Variants in KIF5C observed in about 807,000 individuals in gnomAD.
The protein encoded by KIF5C is kinesin family member 5C.
Under a neutral mutation model 125.2 loss-of-function variants are expected in KIF5C, and 18 were observed. The ratio of observed to expected loss-of-function variants is 0.14; its 90% CI spans 0.10 to 0.21. The LOEUF is 0.21. Among genes scored for constraint, KIF5C ranks in the 10% least tolerant of loss-of-function variants. KIF5C has a pLI of 1.00. For synonymous variants in KIF5C, 405 were observed against 434.0 expected, an observed-to-expected ratio of 0.93 and a Z score of 0.83; for missense variants, 780 against 1,183.8, an observed-to-expected ratio of 0.66 and a Z score of 5.01.
intron 25 of KIF5C, among the ~76,000 whole-genome samples, chr2:149,015,950 A>G (rs998274792): frequency 2.6e-5 from 4 of 152,254 alleles, no homozygotes; most frequent in African/African-American, 7.2e-5. Flanking sequence ...AGTGCTCAGA[A>G]GAAAACAAAA....
chr2:148,891,516 T>A (rs1388843264), intron 1 of KIF5C, among the ~76,000 whole-genome samples: 1 of 152,152 alleles, frequency 6.6e-6, no homozygotes, highest in Non-Finnish European at 1.5e-5. Context: ...AGACAATGTA[T>A]GTATTACTGC....
At chr2:149,003,301 G>A (rs1044381485) in intron 21 of KIF5C, among the ~76,000 whole-genome samples, 95 of 152,360 alleles carry the variant, frequency 6.2e-4, no homozygotes, top group Middle Eastern at 3.4e-3. Context: ...TGAGGTGGGC[G>A]GAGCATGGAG....
At chr2:148,984,452 T>C (rs550528747) in intron 15 of KIF5C, among the ~76,000 whole-genome samples, 1 of 152,326 alleles carries the variant, frequency 6.6e-6, no homozygotes, top group Admixed American at 6.5e-5. Context: ...TTTCTCTGTT[T>C]CCTTTCTCCT....
chr2:148,906,961 G>A (rs1486992815), intron 1 of KIF5C, among the ~76,000 whole-genome samples: 1 of 152,200 alleles, frequency 6.6e-6, no homozygotes, highest in African/African-American at 2.4e-5. Flanking sequence ...TCAGGATGCT[G>A]AGGTGGAAGG....
At chr2:148,875,984 A>C (rs561381137) in intron 1 of KIF5C, among the ~76,000 whole-genome samples, 116 of 151,052 alleles carry the variant, frequency 7.7e-4, no homozygotes, top group Admixed American at 1.4e-3. Flanking sequence ...TGGGGGGCGA[A>C]GACGGGCTCG....
intron 1 of KIF5C, among the ~76,000 whole-genome samples, chr2:148,893,510 C>T (rs1681761842): frequency 6.6e-6 from 1 of 152,206 alleles, no homozygotes; most frequent in Non-Finnish European, 1.5e-5. Context: ...TCGTCCAAGC[C>T]TTTATTGATG....
chr2:148,980,403 A>G (rs1388226037), intron 13 of KIF5C, among the ~76,000 whole-genome samples: 1 of 152,204 alleles, frequency 6.6e-6, no homozygotes, highest in African/African-American at 2.4e-5. Context: ...TCAAGGCAGT[A>G]TCTGTTCAAT....
chr2:148,891,644 C>T (rs558439574), intron 1 of KIF5C, among the ~76,000 whole-genome samples: 1 of 152,184 alleles, frequency 6.6e-6, no homozygotes, highest in African/African-American at 2.4e-5. Context: ...AGTGACAACA[C>T]TTAAATAAGT....
chr2:148,911,978 C>T (rs540901106), intron 1 of KIF5C, among the ~76,000 whole-genome samples: 39 of 152,290 alleles, frequency 2.6e-4, no homozygotes, highest in African/African-American at 9.1e-4. Context: ...CCTCCTGCCC[C>T]TCCCTCTTTC....
At chr2:149,015,578 G>T (rs915454250) in intron 25 of KIF5C, among the ~76,000 whole-genome samples, 31 of 152,254 alleles carry the variant, frequency 2.0e-4, no homozygotes, top group African/African-American at 6.7e-4. Flanking sequence ...GAGTATTTTG[G>T]TTTATTCTCA....
intron 3 of KIF5C, among the ~76,000 whole-genome samples, chr2:148,936,456 G>A (rs143567283): frequency 0.015 from 2,273 of 152,320 alleles, 33 homozygotes; most frequent in Non-Finnish European, 0.022. Context: ...TGGAGCTTGT[G>A]TGTTGCTTTC....
intron 1 of KIF5C, 94 bp downstream of exon 1, chr2:148,875,837 C>A (rs1162931920): frequency 3.4e-6 from 5 of 1,483,916 alleles, no homozygotes; most frequent in Non-Finnish European, 4.5e-6. Flanking sequence ...AGGCCGCCCC[C>A]TCGGACATTC....
chr2:148,923,942 G>A (rs1394324538), intron 2 of KIF5C, among the ~76,000 whole-genome samples: 1 of 152,200 alleles, frequency 6.6e-6, no homozygotes, highest in Non-Finnish European at 1.5e-5. Flanking sequence ...TGGATAACTT[G>A]AGACCCAATA....
intron 12 of KIF5C, among the ~76,000 whole-genome samples, chr2:148,973,968 C>T (rs555397993): frequency 5.1e-4 from 78 of 152,264 alleles, no homozygotes; most frequent in African/African-American, 1.7e-3. Context: ...GATGAGAAAT[C>T]GATAGCAGTG....
chr2:149,005,969 G>T lies in KIF5C; in HGVS notation c.2445+505G>T, dbSNP rs13418522. 9.5e-3 allele frequency among the ~76,000 whole-genome samples: 1,452 copies of T among 152,276 alleles called. 28 individuals are homozygous for T. Among genetic ancestry groups the T allele is most frequent in the African/African-American group, 0.034 (1,402 of 41,544 alleles). On this transcript the variant is annotated intron_variant, in intron 22 of 25. Transcript: ENST00000435030. Reference sequence around the variant, plus strand: ...CCTGTTTCTGCAGATGTGGAGATAGGCTCAGATGTTAAATAACTTACCCAA... The same window carrying T: ...CCTGTTTCTGCAGATGTGGAGATAGTCTCAGATGTTAAATAACTTACCCAA...
At chr2:148,990,269 G>C (rs1012119915) in intron 15 of KIF5C, among the ~76,000 whole-genome samples, 3 of 152,230 alleles carry the variant, frequency 2.0e-5, no homozygotes, top group African/African-American at 7.2e-5. Flanking sequence ...AATGCTGGCT[G>C]TCAGAATCTT....
chr2:148,899,993 C>T (rs116867995), intron 1 of KIF5C, among the ~76,000 whole-genome samples: 3 of 152,170 alleles, frequency 2.0e-5, no homozygotes, highest in African/African-American at 7.2e-5. Context: ...CAGCTCAAAC[C>T]GATGCAGAGA....
chr2:148,916,111 A>G (rs1435682876), intron 1 of KIF5C, among the ~76,000 whole-genome samples: 1 of 152,210 alleles, frequency 6.6e-6, no homozygotes, highest in Non-Finnish European at 1.5e-5. Flanking sequence ...AGGCAGAGAG[A>G]TGCAGGAGCT....
rs927423317 is a variant in KIF5C, at chr2:149,024,708, GGAGA to G, written c.*1644_*1647del. On this transcript the variant is annotated 3_prime_UTR_variant, in exon 26 of 26. Transcript: ENST00000435030. The stretch of plus-strand genomic sequence containing the variant: ...ATGTTTTGTTTTTGGTGGGGAATAA[GGAGA>G]GAGAGGACGACAAATTCTATTGAAG... 43 of 152,658 alleles carry G rather than the reference GGAGA, an allele frequency of 2.8e-4. No individual in the cohort carries two copies. The highest frequency in any genetic ancestry group is 1.0e-3 in the African/African-American group (42 of 41,542). 9.5% of individuals were successfully genotyped at this position (152,658 alleles called of 1,614,324 possible).
Sources: gnomAD v4.1 joint callset for allele counts (sites outside exome capture counted in the v4.1 genomes callset) on GRCh38, gnomAD v4.1.1 for gene constraint, MANE v1.5 for transcripts, NCBI Gene and HGNC (gene_info 2026-07-23, HGNC 2026-07-21) for gene names.